LUZP2: variants seen among roughly 807,000 people sequenced by gnomAD.
LUZP2 encodes leucine zipper protein 2.
LUZP2 carries 52 observed loss-of-function variants against 51.6 expected under a neutral mutation model. The ratio of observed to expected loss-of-function variants is 1.01; its 90% CI spans 0.81 to 1.27. LUZP2 has a LOEUF of 1.27. LUZP2 is among the 50% of genes most tolerant of loss of function. LUZP2 has a pLI of 0.00. For missense variants in LUZP2, 436 were observed against 395.4 expected (o/e 1.10, Z -0.87); for synonymous variants, 154 against 137.3 (o/e 1.12, Z -0.85).
intron 5 of LUZP2, among the ~76,000 whole-genome samples, chr11:24,796,233 A>G (rs1386240): frequency 0.96 from 146,160 of 152,088 alleles, 70,289 homozygotes; most frequent in South Asian, 0.99. Context: ...GGCATATGCA[A>G]AGCAAGTTCT....
intron 5 of LUZP2, among the ~76,000 whole-genome samples, chr11:24,768,538 T>C (rs2134045342): frequency 6.6e-6 from 1 of 152,324 alleles, no homozygotes; most frequent in African/African-American, 2.4e-5. Context: ...TTAAAATATG[T>C]AAGAAACTCA....
At chr11:24,778,501 TG>T (rs1319639479) in intron 5 of LUZP2, among the ~76,000 whole-genome samples, 1 of 152,106 alleles carries the variant, frequency 6.6e-6, no homozygotes, top group African/African-American at 2.4e-5. Context: ...AATCTCATAT[TG>T]ATTAGAACCA....
chr11:24,970,640 C>G (rs932507227), intron 7 of LUZP2, among the ~76,000 whole-genome samples: 16 of 152,142 alleles, frequency 1.1e-4, no homozygotes, highest in Admixed American at 7.2e-4. Context: ...ATGTAATAAT[C>G]TAGCCTCACA....
Position 24,729,227 on chromosome 11 carries a change from A to G in LUZP2, c.121A>G (p.Ile41Val). 1 of 1,579,400 alleles carries G rather than the reference A, an allele frequency of 6.3e-7. No individual in the cohort carries two copies. Among genetic ancestry groups the G allele is most frequent in the South Asian group, 1.1e-5 (1 of 87,064 alleles). The part of the protein sequence containing the change: ...LKEVFKERST[I>V]LRQLTKTSRE... ...AGAAGTCTTTAAGGAGCGAAGCACC[A>G]TTCTTCGTCAGCTGACAAAGACATC... The change falls in exon 2 of 12, where the codon ATT (isoleucine) becomes GTT (valine). Residue 41 changes from isoleucine (I) to valine (V), a missense_variant. By Grantham distance (29) the Ile-to-Val change is conservative. Transcript: ENST00000336930.
chr11:25,059,143 A>T (rs1422257634), intron 10 of LUZP2, among the ~76,000 whole-genome samples: 1 of 152,176 alleles, frequency 6.6e-6, no homozygotes, highest in Non-Finnish European at 1.5e-5. Flanking sequence ...GTGTATTTGC[A>T]TTAATTATTC....
chr11:24,612,512 G>A (rs1854155659), intron 1 of LUZP2, among the ~76,000 whole-genome samples: 1 of 151,928 alleles, frequency 6.6e-6, no homozygotes, highest in Non-Finnish European at 1.5e-5. Context: ...TGTTTATATT[G>A]AAAGTAAGCT....
At chr11:24,588,014 C>A (rs190502331) in intron 1 of LUZP2, among the ~76,000 whole-genome samples, 1 of 152,198 alleles carries the variant, frequency 6.6e-6, no homozygotes, top group East Asian at 1.9e-4. Flanking sequence ...TGTAGAGAAA[C>A]ACAGAAAACT....
At chr11:24,547,834 T>C (rs1376686069) in intron 1 of LUZP2, among the ~76,000 whole-genome samples, 1 of 151,878 alleles carries the variant, frequency 6.6e-6, no homozygotes, top group African/African-American at 2.4e-5. Context: ...AGGTCTAATA[T>C]TCAGAATCAA....
At chr11:24,682,748 G>C (rs1004776673) in intron 1 of LUZP2, among the ~76,000 whole-genome samples, 1 of 151,924 alleles carries the variant, frequency 6.6e-6, no homozygotes, top group African/African-American at 2.4e-5. Flanking sequence ...ACTCATGCCT[G>C]TAATCCCAGC....
At chr11:24,906,886 G>A (rs561333007) in intron 6 of LUZP2, among the ~76,000 whole-genome samples, 1 of 152,102 alleles carries the variant, frequency 6.6e-6, no homozygotes, top group South Asian at 2.1e-4. Context: ...AAGGAAGGAA[G>A]TTTAGCTGCA....
chr11:24,966,905 A>G (rs528342291), intron 7 of LUZP2, among the ~76,000 whole-genome samples: 2 of 147,856 alleles, frequency 1.4e-5, no homozygotes, highest in South Asian at 4.2e-4. Flanking sequence ...TATATATTAT[A>G]TATATATAAT....
intron 1 of LUZP2, among the ~76,000 whole-genome samples, chr11:24,552,507 T>G (rs1361823641): frequency 2.0e-5 from 3 of 151,996 alleles, no homozygotes; most frequent in African/African-American, 7.2e-5. Context: ...TTTCAGTACT[T>G]TAAGAGAATA....
intron 10 of LUZP2, among the ~76,000 whole-genome samples, chr11:25,058,362 T>C (rs1858745235): frequency 1.3e-5 from 2 of 152,208 alleles, no homozygotes; most frequent in South Asian, 4.1e-4. Flanking sequence ...AAATGGTTAA[T>C]CTATTAATAT....
At chr11:24,503,985 A>T (rs1473239134) in intron 1 of LUZP2, among the ~76,000 whole-genome samples, 1 of 152,160 alleles carries the variant, frequency 6.6e-6, no homozygotes, top group Non-Finnish European at 1.5e-5. Flanking sequence ...TAGATTTTTG[A>T]AGAATGAGCT....
chr11:24,748,138 C>T (rs1281852058), intron 4 of LUZP2, among the ~76,000 whole-genome samples: 1 of 152,114 alleles, frequency 6.6e-6, no homozygotes, highest in East Asian at 1.9e-4. Context: ...TGTGGTGTTT[C>T]CCCTGACACC....
intron 5 of LUZP2, among the ~76,000 whole-genome samples, chr11:24,805,529 T>G (rs766489209): frequency 6.6e-6 from 1 of 152,154 alleles, no homozygotes; most frequent in Non-Finnish European, 1.5e-5. Context: ...GTCAACATTC[T>G]CTTGGATTTG....
chr11:24,524,989 A>G (rs1850753771), intron 1 of LUZP2, among the ~76,000 whole-genome samples: 1 of 151,656 alleles, frequency 6.6e-6, no homozygotes, highest in Non-Finnish European at 1.5e-5. Context: ...AAAGAATTAG[A>G]GAAACATTAA....
At chr11:24,822,971 A>G (rs943245631) in intron 5 of LUZP2, among the ~76,000 whole-genome samples, 1 of 152,208 alleles carries the variant, frequency 6.6e-6, no homozygotes, top group African/African-American at 2.4e-5. Flanking sequence ...TGTAGTAATA[A>G]TCATTCATAT....
chr11:25,070,770 GGTGTGT>G (rs67504954), intron 10 of LUZP2, among the ~76,000 whole-genome samples: 4,646 of 141,310 alleles, frequency 0.033, 121 homozygotes, highest in East Asian at 0.064. Flanking sequence ...GACTGTGTAT[GGTGTGT>G]GTGTGTGTGT....
Sources: allele counts gnomAD v4.1 joint callset (sites outside exome capture counted in the v4.1 genomes callset), GRCh38; gene constraint gnomAD v4.1.1; transcripts MANE v1.5; gene names NCBI Gene and HGNC (gene_info 2026-07-23, HGNC 2026-07-21).